The following ZNG1A variants were observed in gnomAD, a reference collection of about 807,000 sequenced individuals.
ZNG1A encodes the protein Zn regulated GTPase metalloprotein activator 1A.
the ZNG1A span, chr9:172,839 G>C: frequency 4.9e-6 from 1 of 204,114 alleles, no homozygotes; most frequent in Non-Finnish European, 9.8e-6. Context: ...AACTCTTCTA[G>C]GGTCTATGGT....
At chr9:130,129 T>C in the ZNG1A span, among the ~76,000 whole-genome samples, 1 of 151,146 alleles carries the variant, frequency 6.6e-6, no homozygotes, top group Non-Finnish European at 1.5e-5. Flanking sequence ...TGCATGACTA[T>C]ACTTATTTTT....
At chr9:140,418 G>A in the ZNG1A span, among the ~76,000 whole-genome samples, 3 of 151,178 alleles carry the variant, frequency 2.0e-5, no homozygotes, top group Non-Finnish European at 4.4e-5. Context: ...CACCTCACAC[G>A]GCCGGGTACT....
the ZNG1A span, among the ~76,000 whole-genome samples, chr9:129,756 C>T: frequency 3.8e-5 from 5 of 130,628 alleles, no homozygotes; most frequent in South Asian, 7.4e-4. Context: ...AATGTACAGA[C>T]AGTTAACAAT....
the ZNG1A span, among the ~76,000 whole-genome samples, chr9:138,650 G>T: frequency 6.9e-6 from 1 of 144,682 alleles, no homozygotes; most frequent in African/African-American, 2.7e-5. Flanking sequence ...TGTAATCCCA[G>T]CACTTTGGGA....
At chr9:147,562 C>G in the ZNG1A span, 1 of 137,698 alleles carries the variant, frequency 7.3e-6, no homozygotes, top group South Asian at 2.2e-4. Context: ...TGTTAGTAGA[C>G]TATAACAGCA....
At chr9:172,100 G>A in the ZNG1A span, 2 of 1,610,902 alleles carry the variant, frequency 1.2e-6, no homozygotes, top group Non-Finnish European at 1.7e-6. Flanking sequence ...CTAATCCAGT[G>A]GTCTCTAACA....
chr9:149,319 G>C, the ZNG1A span: 935 of 149,580 alleles, frequency 6.3e-3, 10 homozygotes, highest in African/African-American at 0.023. Context: ...TATCTCTTCA[G>C]TCATACCACT....
chr9:127,317 A>C, the ZNG1A span, among the ~76,000 whole-genome samples: 6 of 151,982 alleles, frequency 3.9e-5, no homozygotes, highest in South Asian at 1.0e-3. Flanking sequence ...TGTCTGTCTA[A>C]TTTTTTAGGT....
At chr9:154,628 A>G in the ZNG1A span, 1 of 1,037,940 alleles carries the variant, frequency 9.6e-7, no homozygotes, top group African/African-American at 1.6e-5. Context: ...TTAAGTTTCT[A>G]CAGGGCAACA....
chr9:126,766 T>C, the ZNG1A span, among the ~76,000 whole-genome samples: 2 of 152,094 alleles, frequency 1.3e-5, no homozygotes, highest in African/African-American at 4.8e-5. Context: ...CTCTAGTTCC[T>C]TGAGGTGTGA....
the ZNG1A span, among the ~76,000 whole-genome samples, chr9:161,337 G>A: frequency 6.6e-6 from 1 of 151,794 alleles, no homozygotes; most frequent in African/African-American, 2.4e-5. Flanking sequence ...GCATGGTGGT[G>A]TGCACCTGTA....
chr9:140,707 C>T, the ZNG1A span, among the ~76,000 whole-genome samples: 1 of 152,060 alleles, frequency 6.6e-6, no homozygotes, highest in Non-Finnish European at 1.5e-5. Context: ...CTTTGACGAG[C>T]TGAGAGAAGA....
chr9:129,144 G>C, the ZNG1A span, among the ~76,000 whole-genome samples: 1 of 152,048 alleles, frequency 6.6e-6, no homozygotes, highest in Non-Finnish European at 1.5e-5. Flanking sequence ...TACTATTTTT[G>C]TACTGGTTGG....
the ZNG1A span, among the ~76,000 whole-genome samples, chr9:174,356 A>G: frequency 6.6e-6 from 1 of 152,114 alleles, no homozygotes; most frequent in African/African-American, 2.4e-5. Flanking sequence ...GAGTAGTTTT[A>G]CACTTACATA....
At chr9:121,835 A>C in the ZNG1A span, 1 of 1,459,370 alleles carries the variant, frequency 6.9e-7, no homozygotes, top group Admixed American at 2.3e-5. Context: ...AAGATGAAAC[A>C]TTGACCACAA....
At chr9:172,175 G>T in the ZNG1A span, 1 of 1,610,700 alleles carries the variant, frequency 6.2e-7, no homozygotes, top group Non-Finnish European at 8.5e-7. Context: ...CACTGTCCCT[G>T]GAGAATACCA....
chr9:140,088 G>C, the ZNG1A span, among the ~76,000 whole-genome samples: 1 of 150,788 alleles, frequency 6.6e-6, no homozygotes, highest in African/African-American at 2.5e-5. Flanking sequence ...GCTCGGGGAG[G>C]GGCGCTGGCC....
chr9:147,915 A>G, the ZNG1A span: 49 of 150,912 alleles, frequency 3.2e-4, 1 homozygote, highest in African/African-American at 1.1e-3. Flanking sequence ...AATCCCAGCT[A>G]CTCGGAGGGT....
At chr9:127,305 GCTGT>G in the ZNG1A span, among the ~76,000 whole-genome samples, 10 of 151,994 alleles carry the variant, frequency 6.6e-5, no homozygotes, top group Non-Finnish European at 1.3e-4. Flanking sequence ...TTATTGTGTT[GCTGT>G]CTGTCTAATT....
Sources: allele counts gnomAD v4.1 joint callset (sites outside exome capture counted in the v4.1 genomes callset), GRCh38; gene constraint gnomAD v4.1.1; transcripts MANE v1.5; gene names NCBI Gene and HGNC (gene_info 2026-07-23, HGNC 2026-07-21).